Variants in OXR1 observed in about 807,000 individuals in gnomAD.
OXR1 encodes the protein oxidation resistance 1, also known as oxidation resistance protein 1.
OXR1 carries 41 observed loss-of-function variants against 104.6 expected under a neutral mutation model. The ratio of observed to expected loss-of-function variants is 0.39; its 90% CI spans 0.31 to 0.51. The LOEUF (loss-of-function observed/expected upper bound fraction) is 0.51. OXR1 is among the 20% of genes least tolerant of loss of function. OXR1 has a pLI of 0.77. For synonymous variants in OXR1, 348 were observed against 348.4 expected, an observed-to-expected ratio of 1.00 and a Z score of 0.01; for missense variants, 955 against 1,031.9, an observed-to-expected ratio of 0.93 and a Z score of 1.02.
intron 2 of OXR1, among the ~76,000 whole-genome samples, chr8:106,442,900 CTCTA>C (rs2130592900): frequency 6.6e-6 from 1 of 151,456 alleles, no homozygotes; most frequent in South Asian, 2.1e-4. Flanking sequence ...TTTTTCATGT[CTCTA>C]TCTTCTTCTT....
chr8:106,319,252 T>C (rs925358960), intron 1 of OXR1, among the ~76,000 whole-genome samples: 5 of 152,238 alleles, frequency 3.3e-5, no homozygotes, highest in African/African-American at 1.2e-4. Flanking sequence ...GAAGTGGAGC[T>C]TTCCTTAAAG....
At chr8:106,467,911 T>C (rs1317834621) in intron 2 of OXR1, among the ~76,000 whole-genome samples, 1 of 151,856 alleles carries the variant, frequency 6.6e-6, no homozygotes, top group Non-Finnish European at 1.5e-5. Context: ...TATTTCTTTG[T>C]GTTTAGATAT....
chr8:106,369,578 G>C (rs1318412205), intron 2 of OXR1, among the ~76,000 whole-genome samples: 13 of 152,134 alleles, frequency 8.5e-5, no homozygotes, highest in Non-Finnish European at 1.9e-4. Context: ...TTTTTTATAA[G>C]ATGACGGAAG....
intron 2 of OXR1, chr8:106,447,872 C>T: frequency 1.4e-6 from 2 of 1,479,328 alleles, no homozygotes; most frequent in South Asian, 2.7e-5. Flanking sequence ...TGGTCTGATA[C>T]TAGCCCCACC....
At chr8:106,658,332 C>T in intron 3 of OXR1, 1 of 944,342 alleles carries the variant, frequency 1.1e-6, no homozygotes, top group African/African-American at 1.7e-5. Context: ...GGGGTGGCGG[C>T]CGCCGGGGGC....
At chr8:106,535,343 T>A (rs553758083) in intron 3 of OXR1, among the ~76,000 whole-genome samples, 1 of 152,268 alleles carries the variant, frequency 6.6e-6, no homozygotes, top group Non-Finnish European at 1.5e-5. Flanking sequence ...GCTGAAATTA[T>A]GAATCTGGAC....
At chr8:106,400,324 G>A (rs778308014) in intron 2 of OXR1, among the ~76,000 whole-genome samples, 17 of 152,062 alleles carry the variant, frequency 1.1e-4, no homozygotes, top group Non-Finnish European at 2.4e-4. Flanking sequence ...CATAGTAGAT[G>A]CTCAAAAGTA....
chr8:106,637,329 G>A (rs369427680), intron 3 of OXR1, among the ~76,000 whole-genome samples: 1 of 151,574 alleles, frequency 6.6e-6, no homozygotes, highest in East Asian at 1.9e-4. Flanking sequence ...ATGTGTGTGT[G>A]TATATATATA....
At chr8:106,279,973 G>A (rs1046809482) in intron 1 of OXR1, among the ~76,000 whole-genome samples, 5 of 152,142 alleles carry the variant, frequency 3.3e-5, no homozygotes, top group Admixed American at 1.3e-4. Flanking sequence ...CTGTCCTCAA[G>A]ACTCAGCATT....
intron 3 of OXR1, among the ~76,000 whole-genome samples, chr8:106,634,736 G>T (rs1374140389): frequency 6.6e-6 from 1 of 151,714 alleles, no homozygotes; most frequent in Non-Finnish European, 1.5e-5. Flanking sequence ...AGAAATTAAG[G>T]GTAATAAAGG....
At chr8:106,340,820 A>G (rs1358622622) in intron 1 of OXR1, among the ~76,000 whole-genome samples, 1 of 152,152 alleles carries the variant, frequency 6.6e-6, no homozygotes, top group Non-Finnish European at 1.5e-5. Context: ...ATTTACATTT[A>G]TACTATCTAC....
At chr8:106,584,101 G>T (rs1440704646) in intron 3 of OXR1, among the ~76,000 whole-genome samples, 1 of 140,864 alleles carries the variant, frequency 7.1e-6, no homozygotes, top group Non-Finnish European at 1.5e-5. Context: ...AAAATAGGGT[G>T]ATACAAAAAG....
intron 3 of OXR1, among the ~76,000 whole-genome samples, chr8:106,580,602 G>A (rs576837679): frequency 2.6e-5 from 4 of 152,074 alleles, no homozygotes; most frequent in Admixed American, 6.5e-5. Context: ...TGAGATTATC[G>A]GATCCTATGG....
At chr8:106,717,783 T>C (rs78347697) in intron 11 of OXR1, among the ~76,000 whole-genome samples, 1 of 151,840 alleles carries the variant, frequency 6.6e-6, no homozygotes, top group African/African-American at 2.4e-5. Flanking sequence ...TCAAGATTGC[T>C]CTATTTCCTG....
At chr8:106,323,862 A>G (rs1159969263) in intron 1 of OXR1, among the ~76,000 whole-genome samples, 1 of 152,136 alleles carries the variant, frequency 6.6e-6, no homozygotes, top group African/African-American at 2.4e-5. Flanking sequence ...AAAAAATAAT[A>G]GATGCTGGCG....
chr8:106,448,144 T>C, intron 2 of OXR1: 1 of 1,345,560 alleles, frequency 7.4e-7, no homozygotes, highest in Non-Finnish European at 1.0e-6. Flanking sequence ...CTGATTTCTG[T>C]GCAAGTGAGA....
At chr8:106,617,989 C>T in intron 3 of OXR1, 1 of 1,461,802 alleles carries the variant, frequency 6.8e-7, no homozygotes. Context: ...GAAACAGAAA[C>T]CTCTGAATCT....
At chr8:106,668,482 C>G (rs1295890614) in intron 3 of OXR1, among the ~76,000 whole-genome samples, 1 of 152,064 alleles carries the variant, frequency 6.6e-6, no homozygotes, top group African/African-American at 2.4e-5. Flanking sequence ...GGAATTACAC[C>G]TTTCTTCTGG....
intron 1 of OXR1, among the ~76,000 whole-genome samples, chr8:106,294,345 C>T (rs916539273): frequency 2.2e-5 from 3 of 134,976 alleles, no homozygotes; most frequent in South Asian, 2.2e-4. Context: ...TGTGGTGAGC[C>T]GAGATGCACC....
Sources: allele counts gnomAD v4.1 joint callset (sites outside exome capture counted in the v4.1 genomes callset), GRCh38; gene constraint gnomAD v4.1.1; transcripts MANE v1.5; gene names NCBI Gene and HGNC (gene_info 2026-07-23, HGNC 2026-07-21).